VIPR2: variants seen among roughly 807,000 people sequenced by gnomAD.
VIPR2 encodes the protein vasoactive intestinal peptide receptor 2, also known as vasoactive intestinal polypeptide receptor 2.
A neutral mutation model predicts 58.0 loss-of-function variants in VIPR2; 48 were observed. The observed-to-expected ratio is 0.83, with a 90% CI of 0.66 to 1.05. The LOEUF is 1.05. Among genes scored for constraint, VIPR2 ranks in the 50% least tolerant of loss-of-function variants. VIPR2 has a pLI of 0.00. For missense variants in VIPR2, 534 were observed against 558.0 expected, an observed-to-expected ratio of 0.96 and a Z score of 0.43; for synonymous variants, 243 against 235.2, an observed-to-expected ratio of 1.03 and a Z score of -0.30.
chr7:159,123,848 C>T (rs1796559699), intron 2 of VIPR2, among the ~76,000 whole-genome samples: 1 of 152,320 alleles, frequency 6.6e-6, no homozygotes, highest in South Asian at 2.1e-4. Context: ...GCCATTCTGA[C>T]TGGTGTGAGA....
intron 4 of VIPR2, among the ~76,000 whole-genome samples, chr7:159,062,124 T>C (rs1161023963): frequency 6.6e-6 from 1 of 151,996 alleles, no homozygotes; most frequent in African/African-American, 2.4e-5. Flanking sequence ...ACTGGCCGGA[T>C]CCCAACAGGG....
intron 7 of VIPR2, 120 bp downstream of exon 7, chr7:159,036,632 A>G: frequency 3.1e-6 from 4 of 1,277,778 alleles, no homozygotes; most frequent in Non-Finnish European, 4.3e-6. Flanking sequence ...GCTCTTCATG[A>G]TATGACCCTG....
chr7:159,030,874 G>A, intron 12 of VIPR2, 85 bp from the exon 13 acceptor site: 1 of 1,406,356 alleles, frequency 7.1e-7, no homozygotes, highest in Non-Finnish European at 9.3e-7. Context: ...CGAGCCTCCA[G>A]CTCTCCCTCC....
Position 159,097,318 on chromosome 7 carries a change from G to T in VIPR2, c.357+6439C>A. 7.9e-7 allele frequency: 1 copy of T among 1,265,154 alleles called. No individual in the cohort carries two copies. The highest frequency in any genetic ancestry group is 1.0e-6 in the Non-Finnish European group (1 of 985,736). 78.4% of individuals were successfully genotyped at this position (1,265,154 alleles called of 1,614,324 possible). A position where few individuals can be genotyped will look rare whatever the true frequency, so the allele number is the denominator to read the frequency against. The stretch of plus-strand genomic sequence containing the variant: ...AATGTGTGCACTTGAAGCATGGGGA[G>T]GCCGAAATGCCAAACAGTTCTCTTG... On this transcript the variant is annotated intron_variant, in intron 4 of 12. Transcript: ENST00000262178. The surrounding 1 kb of genome is among the most constrained non-coding windows in gnomAD (Gnocchi z 5.3).
At chr7:159,062,689 G>C (rs1855771240) in intron 4 of VIPR2, among the ~76,000 whole-genome samples, 1 of 151,868 alleles carries the variant, frequency 6.6e-6, no homozygotes, top group African/African-American at 2.4e-5. Flanking sequence ...ACTGCAGCAA[G>C]ATTTATTACA....
intron 4 of VIPR2, among the ~76,000 whole-genome samples, chr7:159,087,220 G>C (rs892105432): frequency 2.0e-5 from 3 of 149,838 alleles, no homozygotes; most frequent in Non-Finnish European, 4.4e-5. Context: ...CAATACCCAG[G>C]ACTCGGATAG....
chr7:159,057,133 T>C (rs892269855), intron 5 of VIPR2, among the ~76,000 whole-genome samples: 1 of 152,204 alleles, frequency 6.6e-6, no homozygotes, highest in African/African-American at 2.4e-5. Flanking sequence ...GATTGTTCAA[T>C]ATAGGAAAAT....
At chr7:159,135,625 C>T (rs527884493) in intron 2 of VIPR2, among the ~76,000 whole-genome samples, 1 of 152,028 alleles carries the variant, frequency 6.6e-6, no homozygotes, top group Non-Finnish European at 1.5e-5. Flanking sequence ...GAGTTCGAGA[C>T]CAGCCTGGCC....
chr7:159,123,203 G>A (rs1796521443), intron 2 of VIPR2, among the ~76,000 whole-genome samples: 1 of 138,584 alleles, frequency 7.2e-6, no homozygotes, highest in South Asian at 2.4e-4. Flanking sequence ...TGAGGCAGGA[G>A]AATCGCTTCA....
intron 4 of VIPR2, among the ~76,000 whole-genome samples, chr7:159,074,153 A>T (rs2129494667): frequency 6.6e-6 from 1 of 152,392 alleles, no homozygotes; most frequent in South Asian, 2.1e-4. Flanking sequence ...AGAAGTCAAC[A>T]GAAATAATCA....
chr7:159,063,743 G>A (rs1451832793), intron 4 of VIPR2, among the ~76,000 whole-genome samples: 2 of 139,880 alleles, frequency 1.4e-5, no homozygotes, highest in Non-Finnish European at 3.1e-5. Context: ...AGGGCCTGGC[G>A]GGATCTGGGG....
At chr7:159,051,844 TGAAAG>T (rs1262849762) in intron 5 of VIPR2, among the ~76,000 whole-genome samples, 21 of 152,126 alleles carry the variant, frequency 1.4e-4, no homozygotes, top group Non-Finnish European at 1.5e-5. Flanking sequence ...TGGTAAACAG[TGAAAG>T]AATTAAAAGG....
At chr7:159,082,193 T>C in intron 4 of VIPR2, among the ~76,000 whole-genome samples, 1 of 152,154 alleles carries the variant, frequency 6.6e-6, no homozygotes, top group Non-Finnish European at 1.5e-5. Context: ...CTATTCACAA[T>C]AGCAAAGACT....
At chr7:159,041,652 C>CTGTAA in intron 6 of VIPR2, among the ~76,000 whole-genome samples, 3 of 127,866 alleles carry the variant, frequency 2.3e-5, no homozygotes, top group Non-Finnish European at 5.4e-5. Flanking sequence ...TCCTGAGGGT[C>CTGTAA]CGTCATGGGT....
chr7:159,144,813 TC>T lies in VIPR2; in HGVS notation c.-43del. On this transcript the variant is annotated 5_prime_UTR_variant, in exon 1 of 13. It removes the in-frame stop codon of an upstream open reading frame in the 5' UTR. Transcript: ENST00000262178. Reference sequence around the variant, plus strand: ...CGGGGGCCGCCCAGCGCCCGCCGCCTCCGTCCTAGGTCCCCGCGGTTCCGCC... The same window carrying T: ...CGGGGGCCGCCCAGCGCCCGCCGCCTCGTCCTAGGTCCCCGCGGTTCCGCC... The T allele has an allele frequency of 8.1e-7, 1 of 1,241,406 alleles. No individual in the cohort carries two copies. The highest frequency in any genetic ancestry group is 1.6e-5 in the African/African-American group (1 of 64,260). 76.9% of individuals were successfully genotyped at this position (1,241,406 alleles called of 1,614,324 possible).
Position 159,096,719 on chromosome 7 carries a change from GGTT to G in VIPR2, c.357+7035_357+7037del. 1 of 1,364,308 alleles carries G rather than the reference GGTT, an allele frequency of 7.3e-7. No individual in the cohort carries two copies. The highest frequency in any genetic ancestry group is 1.8e-5 in the South Asian group (1 of 54,984). 84.5% of individuals were successfully genotyped at this position (1,364,308 alleles called of 1,614,324 possible). A position where few individuals can be genotyped will look rare whatever the true frequency, so the allele number is the denominator to read the frequency against. On this transcript the variant is annotated intron_variant, in intron 4 of 12. Transcript: ENST00000262178. The surrounding 1 kb of genome is among the most constrained non-coding windows in gnomAD (Gnocchi z 5.5). ...CAGAAAAGTGCTCATAATCCTGTCT[GGTT>G]GTGCCAGGTGACAGCTGAATGATTT...
chr7:159,036,125 T>C, intron 7 of VIPR2, 113 bp from the exon 8 acceptor site: 4 of 1,228,524 alleles, frequency 3.3e-6, no homozygotes, highest in Non-Finnish European at 4.4e-6. Flanking sequence ...GAATATTAAG[T>C]GCAATCTCTT....
intron 4 of VIPR2, among the ~76,000 whole-genome samples, chr7:159,102,317 T>G (rs1316182692): frequency 1.3e-5 from 2 of 152,252 alleles, no homozygotes; most frequent in African/African-American, 4.8e-5. Context: ...TTGACTCTGA[T>G]TCTCTCTTTC....
Position 159,096,807 on chromosome 7 carries a change from C to A in VIPR2, c.357+6950G>T, listed in dbSNP as rs1465855038. The A allele has an allele frequency of 1.2e-5, 17 of 1,438,450 alleles. No individual in the cohort carries two copies. The highest frequency in any genetic ancestry group is 1.6e-5 in the Non-Finnish European group (17 of 1,088,452). 89.1% of individuals were successfully genotyped at this position (1,438,450 alleles called of 1,614,324 possible). A position where few individuals can be genotyped will look rare whatever the true frequency, so the allele number is the denominator to read the frequency against. On this transcript the variant is annotated intron_variant, in intron 4 of 12. Coordinates refer to ENST00000262178, the MANE Select transcript of VIPR2 (RefSeq NM_003382.5). The surrounding 1 kb of genome is among the most constrained non-coding windows in gnomAD (Gnocchi z 5.5). ...TCAGTCTCGTGGCCCCCGCAGCAGC[C>A]ACAGGCCCAGCTCTTGTCCCGGCCC...
Sources: gnomAD v4.1 joint callset for allele counts (sites outside exome capture counted in the v4.1 genomes callset) on GRCh38, gnomAD v4.1.1 for gene constraint, Gnocchi (gnomAD v3.1) non-coding constraint, MANE v1.5 for transcripts, NCBI Gene and HGNC (gene_info 2026-07-23, HGNC 2026-07-21) for gene names.